Variants in ELP1 observed in about 807,000 individuals in gnomAD.
The protein encoded by ELP1 is elongator acetyltransferase complex subunit 1, also known as elongator complex protein 1.
Under a neutral mutation model 183.2 loss-of-function variants are expected in ELP1, and 131 were observed. The observed-to-expected ratio is 0.72, with a 90% CI of 0.62 to 0.83. The LOEUF is 0.83. Ranked by LOEUF, ELP1 falls within the 40% of genes least tolerant of loss-of-function variation. ELP1 has a pLI of 0.00. For synonymous variants in ELP1, 555 were observed against 569.0 expected, an observed-to-expected ratio of 0.98 and a Z score of 0.35; for missense variants, 1,550 against 1,594.9, an observed-to-expected ratio of 0.97 and a Z score of 0.48.
At chr9:108,915,549 C>T (rs2132023767) in intron 10 of ELP1, among the ~76,000 whole-genome samples, 1 of 152,304 alleles carries the variant, frequency 6.6e-6, no homozygotes, top group African/African-American at 2.4e-5. Flanking sequence ...TCAATTCTTA[C>T]CTGAATTTCC....
At chr9:108,890,394 G>A (rs989019733) in intron 28 of ELP1, among the ~76,000 whole-genome samples, 3 of 152,178 alleles carry the variant, frequency 2.0e-5, no homozygotes, top group Non-Finnish European at 4.4e-5. Flanking sequence ...AATTTAACAG[G>A]ATAGAGTTTG....
At chr9:108,870,300 CA>C (rs1827401133) in intron 36 of ELP1, among the ~76,000 whole-genome samples, 1 of 152,108 alleles carries the variant, frequency 6.6e-6, no homozygotes, top group Non-Finnish European at 1.5e-5. Context: ...ACTCAAGTAC[CA>C]ATAGCTTACT....
At chr9:108,921,332 C>A (rs1390317660) in intron 6 of ELP1, among the ~76,000 whole-genome samples, 1 of 152,080 alleles carries the variant, frequency 6.6e-6, no homozygotes, top group Non-Finnish European at 1.5e-5. Flanking sequence ...CCCTTCTGGG[C>A]ACTTCATACA....
chr9:108,930,852 T>G, intron 2 of ELP1, 145 bp downstream of exon 2: 1 of 776,272 alleles, frequency 1.3e-6, no homozygotes, highest in Non-Finnish European at 2.2e-6. Flanking sequence ...ATGTCTAACA[T>G]GGCATATATA....
chr9:108,902,862 C>A lies in ELP1; in HGVS notation c.1831G>T (p.Glu611Ter). Residue 611 changes from glutamate (E) to a stop codon, truncating the protein, a stop_gained, in exon 16 of 37, where the codon GAA becomes TAA. Coordinates refer to ENST00000374647, the MANE Select transcript of ELP1 (RefSeq NM_003640.5). LOFTEE classifies it high-confidence loss of function. ...ACCTCTTCTCCAATCATGGCCAATTCGGTCTGGGTGCATGGATAAGGAAAC... is the reference window on the plus strand; with the variant it reads ...ACCTCTTCTCCAATCATGGCCAATTAGGTCTGGGTGCATGGATAAGGAAAC... ...VRFPYPCTQTELAMIGEEECV... is the reference protein window; with the variant it reads ...VRFPYPCTQT 6.2e-7 allele frequency: 1 copy of A among 1,613,638 alleles called. No individual in the cohort carries two copies. The highest frequency in any genetic ancestry group is 8.5e-7 in the Non-Finnish European group (1 of 1,179,604).
chr9:108,882,214 C>G (rs1415210106), intron 29 of ELP1, 27 bp from the exon 30 acceptor site: 3 of 1,604,500 alleles, frequency 1.9e-6, no homozygotes, highest in Non-Finnish European at 2.6e-6. Context: ...AAGAAGACAA[C>G]AAGTGAAGAG....
chr9:108,913,348 C>A (rs1564097419), intron 10 of ELP1, among the ~76,000 whole-genome samples: 1 of 152,142 alleles, frequency 6.6e-6, no homozygotes, highest in Non-Finnish European at 1.5e-5. Flanking sequence ...ATGAAATTAT[C>A]CTTCCAACAT....
At chr9:108,885,555 C>G (rs548573383) in intron 29 of ELP1, among the ~76,000 whole-genome samples, 48 of 152,158 alleles carry the variant, frequency 3.2e-4, no homozygotes, top group African/African-American at 1.1e-3. Context: ...GCCGAGATGG[C>G]CTTACTGGTA....
intron 29 of ELP1, among the ~76,000 whole-genome samples, chr9:108,887,690 T>C (rs549856678): frequency 1.3e-5 from 2 of 152,284 alleles, no homozygotes; most frequent in South Asian, 4.1e-4. Flanking sequence ...CCAGCCAAGA[T>C]TCTTGGCCCA....
Position 108,868,961 on chromosome 9 carries a change from T to C in ELP1, c.*154A>G. 1.4e-6 allele frequency: 1 copy of C among 720,300 alleles called. No homozygotes were observed. The highest frequency in any genetic ancestry group is 1.5e-5 in the South Asian group (1 of 67,738). 44.6% of individuals were successfully genotyped at this position (720,300 alleles called of 1,614,324 possible). On this transcript the variant is annotated 3_prime_UTR_variant, in exon 37 of 37. Transcript: ENST00000374647. ...ACAACATAAAATAAATAGAATTGCT[T>C]GTTGTCTGCTGAAGTTCTTGGCAAT...
At chr9:108,895,121 C>T (rs921614230) in intron 25 of ELP1, among the ~76,000 whole-genome samples, 1 of 152,058 alleles carries the variant, frequency 6.6e-6, no homozygotes, top group Non-Finnish European at 1.5e-5. Context: ...TGGTGGTGCA[C>T]GCCTGTAAGC....
chr9:108,878,572 C>T (rs1179332631), intron 34 of ELP1, 51 bp downstream of exon 34: 2 of 1,612,214 alleles, frequency 1.2e-6, no homozygotes, highest in Admixed American at 1.7e-5. Context: ...TCTGTACTGC[C>T]TATTCACTAT....
chr9:108,884,888 G>A lies in ELP1; in HGVS notation c.3223-2701C>T, dbSNP rs188651366. ...TTGAGGCCAGGAGTTTCAGACCAGC[G>A]TGGGCAACTAGTAACACCCCATCTC... is the stretch of plus-strand genomic sequence containing the variant. On this transcript the variant is annotated intron_variant, in intron 29 of 36. Coordinates refer to ENST00000374647, the MANE Select transcript of ELP1 (RefSeq NM_003640.5). Among the ~76,000 whole-genome samples the A allele has an allele frequency of 5.3e-4, 81 of 152,024 alleles. No individual in the cohort carries two copies. In the East Asian group the frequency reaches 8.9e-3, roughly 17 times the overall value.
intron 13 of ELP1, 65 bp from the exon 14 acceptor site, chr9:108,906,550 G>A (rs1235478499): frequency 7.2e-7 from 1 of 1,390,956 alleles, no homozygotes; most frequent in African/African-American, 1.4e-5. Flanking sequence ...AGACGTTCCT[G>A]GATGAAGGAA....
intron 2 of ELP1, 135 bp from the exon 3 acceptor site, chr9:108,930,056 C>A: frequency 9.8e-7 from 1 of 1,017,854 alleles, no homozygotes; most frequent in Non-Finnish European, 1.5e-6. Context: ...GATGAAAATC[C>A]AAACTTTCAT....
chr9:108,901,013 G>A (rs568118723), intron 18 of ELP1, among the ~76,000 whole-genome samples: 32 of 151,738 alleles, frequency 2.1e-4, no homozygotes, highest in African/African-American at 7.3e-4. Context: ...TGGAACAGAA[G>A]ACAAAATGCA....
At chr9:108,910,956 T>G (rs1829193584) in intron 12 of ELP1, 54 bp downstream of exon 12, 21 of 1,541,428 alleles carry the variant, frequency 1.4e-5, no homozygotes, top group Middle Eastern at 1.7e-4. Context: ...TGCTTTTATG[T>G]AGGAGTAGAA....
chr9:108,880,517 GAAGA>G (rs1032845945), intron 31 of ELP1, among the ~76,000 whole-genome samples: 1 of 151,454 alleles, frequency 6.6e-6, no homozygotes, highest in Non-Finnish European at 1.5e-5. Flanking sequence ...ACAAAAATAA[GAAGA>G]AAATTACCTA....
In ELP1 at chr9:108,922,768, C is replaced by A. The variant is rs560385688; in HGVS notation, c.552+74G>T. ...TTCATTACTGGCATCTAAGTGGACA[C>A]CAAAGAGTTCCTGGTGGGTGGCAAA... On this transcript the variant is annotated intron_variant, in intron 6 of 36. Transcript: ENST00000374647. The A allele has an allele frequency of 6.3e-6, 7 of 1,105,706 alleles. No homozygotes were observed. The South Asian group carries it at 7.4e-5, about 12-fold the overall frequency. 68.5% of individuals were successfully genotyped at this position (1,105,706 alleles called of 1,614,324 possible). A position where few individuals can be genotyped will look rare whatever the true frequency, so the allele number is the denominator to read the frequency against.
Sources: gnomAD v4.1 joint callset for allele counts (sites outside exome capture counted in the v4.1 genomes callset) on GRCh38, gnomAD v4.1.1 for gene constraint, MANE v1.5 for transcripts, NCBI Gene and HGNC (gene_info 2026-07-23, HGNC 2026-07-21) for gene names.